Variants in LARP4 observed in about 807,000 individuals in gnomAD.
LARP4 encodes the protein la-related protein 4.
Under a neutral mutation model 92.9 loss-of-function variants are expected in LARP4, and 29 were observed. The ratio of observed to expected loss-of-function variants is 0.31; its 90% CI spans 0.23 to 0.43. LARP4 has a LOEUF of 0.43. Among genes scored for constraint, LARP4 ranks in the 20% least tolerant of loss-of-function variants. The pLI, the probability that LARP4 is intolerant of heterozygous loss-of-function variation, is 1.00. For missense variants in LARP4, 732 were observed against 860.0 expected, an observed-to-expected ratio of 0.85 and a Z score of 1.86; for synonymous variants, 279 against 284.1, an observed-to-expected ratio of 0.98 and a Z score of 0.18.
At chr12:50,425,142 G>A (rs1395649586) in intron 1 of LARP4, among the ~76,000 whole-genome samples, 4 of 151,906 alleles carry the variant, frequency 2.6e-5, no homozygotes, top group African/African-American at 7.3e-5. Flanking sequence ...GCGAGACTCC[G>A]TCTCAAAAAG....
intron 1 of LARP4, among the ~76,000 whole-genome samples, chr12:50,413,356 G>A (rs922143132): frequency 2.0e-5 from 3 of 152,030 alleles, no homozygotes; most frequent in Non-Finnish European, 4.4e-5. Flanking sequence ...GAGATTGTAA[G>A]GATTTTAGTT....
chr12:50,400,915 G>A lies in LARP4; in HGVS notation c.-96G>A, dbSNP rs1356516909. Reference sequence around the variant, plus strand: ...GGTCCACTGCCGGGTGGAGGGGCAAGGCGAGTGTGTGTCCTTATCCTAGCA... The same window carrying A: ...GGTCCACTGCCGGGTGGAGGGGCAAAGCGAGTGTGTGTCCTTATCCTAGCA... On this transcript the variant is annotated 5_prime_UTR_variant, in exon 1 of 16. Transcript: ENST00000398473. 7.7e-6 allele frequency: 12 copies of A among 1,562,626 alleles called. No homozygotes were observed. In the East Asian group the frequency reaches 2.7e-4, roughly 35 times the overall value.
chr12:50,411,187 C>CT (rs11441189), intron 1 of LARP4, among the ~76,000 whole-genome samples: 15,847 of 138,960 alleles, frequency 0.11, 1,727 homozygotes, highest in East Asian at 0.48. Context: ...CTAGTTGATT[C>CT]TTTTTTTTTT....
chr12:50,474,712 C>T (rs1443386031), intron 15 of LARP4, among the ~76,000 whole-genome samples: 2 of 152,144 alleles, frequency 1.3e-5, no homozygotes, highest in East Asian at 1.9e-4. Flanking sequence ...TCCTTACCCA[C>T]GTTAGGATGA....
At chr12:50,436,312 C>T (rs547725980) in intron 5 of LARP4, among the ~76,000 whole-genome samples, 20 of 151,938 alleles carry the variant, frequency 1.3e-4, no homozygotes, top group South Asian at 6.2e-4. Context: ...CCACCACCCC[C>T]GGCCTATATA....
At chr12:50,418,444 A>G (rs1947213631) in intron 1 of LARP4, among the ~76,000 whole-genome samples, 1 of 152,204 alleles carries the variant, frequency 6.6e-6, no homozygotes, top group Non-Finnish European at 1.5e-5. Context: ...TACTGGTATT[A>G]TTTCCTTGAA....
At chr12:50,459,881 G>A (rs566386143) in intron 10 of LARP4, among the ~76,000 whole-genome samples, 19 of 148,670 alleles carry the variant, frequency 1.3e-4, no homozygotes, top group African/African-American at 3.7e-4. Context: ...GCTCATGCCT[G>A]TAATCCCGAC....
intron 5 of LARP4, among the ~76,000 whole-genome samples, chr12:50,436,264 T>C (rs4768976): frequency 0.85 from 128,167 of 151,162 alleles, 56,363 homozygotes; most frequent in East Asian, 0.98. Flanking sequence ...ATATATATCC[T>C]GCTCAGCCTC....
intron 13 of LARP4, among the ~76,000 whole-genome samples, chr12:50,472,913 A>G (rs1185962633): frequency 6.6e-6 from 1 of 150,542 alleles, no homozygotes; most frequent in Non-Finnish European, 1.5e-5. Flanking sequence ...TCCGCCTCCC[A>G]GGTCCTGGTT....
rs561127320 is a variant in LARP4, at chr12:50,429,995, C to T, written c.323-500C>T. ...ATTTTTTGATAAAGATAACCTTAAA[C>T]TAATATGAAATGTATCTGATGAAAG... On this transcript the variant is annotated intron_variant, in intron 3 of 15. Coordinates refer to ENST00000398473, the MANE Select transcript of LARP4 (RefSeq NM_052879.5). Among the ~76,000 whole-genome samples, 9 of 152,158 alleles carry T rather than the reference C, an allele frequency of 5.9e-5. 1 individual carries two copies. In the South Asian group the frequency reaches 1.9e-3, roughly 32 times the overall value.
intron 13 of LARP4, among the ~76,000 whole-genome samples, chr12:50,469,332 C>T (rs1196531496): frequency 2.6e-5 from 4 of 152,116 alleles, no homozygotes; most frequent in Non-Finnish European, 5.9e-5. Flanking sequence ...AGGCCAGGTG[C>T]GGTGGCTTAC....
At chr12:50,405,672 A>G (rs1944694171) in intron 1 of LARP4, among the ~76,000 whole-genome samples, 1 of 152,062 alleles carries the variant, frequency 6.6e-6, no homozygotes, top group Non-Finnish European at 1.5e-5. Context: ...AAAAAAATTA[A>G]AACTAGAGAC....
chr12:50,474,146 A>C lies in LARP4; in HGVS notation c.1815A>C (p.Ala605=). Residue 605 remains alanine (A), a synonymous_variant, in exon 15 of 16, where the codon GCA becomes GCC. Coordinates refer to ENST00000398473, the MANE Select transcript of LARP4 (RefSeq NM_052879.5). ...CACCATGTAATAATAACATAAATGC[A>C]GCTACAGCTGTGGCTCTACAGGTAA... ...TASPCNNNIN[A]ATAVALQEPR... 6.2e-7 allele frequency: 1 copy of C among 1,612,506 alleles called. No individual in the cohort carries two copies. The highest frequency in any genetic ancestry group is 8.5e-7 in the Non-Finnish European group (1 of 1,179,476).
chr12:50,418,203 A>G (rs1947173675), intron 1 of LARP4, among the ~76,000 whole-genome samples: 1 of 151,552 alleles, frequency 6.6e-6, no homozygotes, highest in Non-Finnish European at 1.5e-5. Flanking sequence ...GTTTCACCAT[A>G]TTGGCCAGGC....
rs545772364 is a variant in LARP4 at position 50,477,699 on chromosome 12, T to C, written c.*1835T>C. The C allele has an allele frequency of 6.5e-6, 1 of 152,676 alleles. No homozygotes were observed. The highest frequency in any genetic ancestry group is 6.5e-5 in the Admixed American group (1 of 15,288). 9.5% of individuals were successfully genotyped at this position (152,676 alleles called of 1,614,324 possible). A position where few individuals can be genotyped will look rare whatever the true frequency, so the allele number is the denominator to read the frequency against. The stretch of plus-strand genomic sequence containing the variant: ...TTGATTTGATTGTTTTATGACATGG[T>C]ATACTACTATATTTACTCAGTTTGA... On this transcript the variant is annotated 3_prime_UTR_variant, in exon 16 of 16. Transcript: ENST00000398473.
chr12:50,476,965 TA>T lies in LARP4; in HGVS notation c.*1104del, dbSNP rs1226820974. ...ACAGTAATTTATTTGTCGTTAGTGT[TA>T]AAGATTAAGCATAGTAACTGACTCT... is the stretch of plus-strand genomic sequence containing the variant. On this transcript the variant is annotated 3_prime_UTR_variant, in exon 16 of 16. Coordinates refer to ENST00000398473, the MANE Select transcript of LARP4 (RefSeq NM_052879.5). 6.6e-6 allele frequency: 1 copy of T among 152,312 alleles called. No individual in the cohort carries two copies. The highest frequency in any genetic ancestry group is 1.5e-5 in the Non-Finnish European group (1 of 68,038). The allele number at this position is 152,312 out of a possible 1,614,324, so 9.4% of individuals were successfully genotyped here.
intron 1 of LARP4, among the ~76,000 whole-genome samples, chr12:50,405,694 G>T (rs759929212): frequency 7.9e-5 from 12 of 151,964 alleles, no homozygotes; most frequent in Non-Finnish European, 1.6e-4. Flanking sequence ...GGGAAGGGTG[G>T]GTATGCAGTG....
chr12:50,462,821 G>A lies in LARP4; in HGVS notation c.1383+191G>A, dbSNP rs78714256. On this transcript the variant is annotated intron_variant, in intron 12 of 15. Coordinates refer to ENST00000398473, the MANE Select transcript of LARP4 (RefSeq NM_052879.5). ...ATACCCACCCTCTAGCACACATGTA[G>A]TAAGGAGCTTCGCTTGTGTTGCTTG... is the stretch of plus-strand genomic sequence containing the variant. Among the ~76,000 whole-genome samples, 1,751 of 152,218 alleles carry A rather than the reference G, an allele frequency of 0.012. 44 individuals are homozygous for A. Among genetic ancestry groups the A allele is most frequent in the African/African-American group, 0.04 (1,677 of 41,538 alleles).
At chr12:50,404,470 G>C (rs934403163) in intron 1 of LARP4, among the ~76,000 whole-genome samples, 2 of 152,046 alleles carry the variant, frequency 1.3e-5, no homozygotes, top group African/African-American at 4.8e-5. Flanking sequence ...CAGGAGTTTC[G>C]CTTGAGTATG....
Sources: allele counts gnomAD v4.1 joint callset (sites outside exome capture counted in the v4.1 genomes callset), GRCh38; gene constraint gnomAD v4.1.1; transcripts MANE v1.5; gene names NCBI Gene and HGNC (gene_info 2026-07-23, HGNC 2026-07-21).